ABHD12: variants seen among roughly 807,000 people sequenced by gnomAD.
The protein encoded by ABHD12 is abhydrolase domain containing 12, lysophospholipase.
Under a neutral mutation model 58.3 loss-of-function variants are expected in ABHD12, and 43 were observed. The ratio of observed to expected loss-of-function variants is 0.74; its 90% CI spans 0.58 to 0.95. The LOEUF (loss-of-function observed/expected upper bound fraction) is 0.95. ABHD12 is among the 40% of genes least tolerant of loss of function. The probability of loss-of-function intolerance (pLI) is 0.00; values close to 1 mark genes in which losing one functional copy is unlikely to be tolerated. For missense variants in ABHD12, 539 were observed against 537.2 expected (o/e 1.00, Z -0.03); for synonymous variants, 219 against 211.2 (o/e 1.04, Z -0.32).
At chr20:25,389,184 T>TA (rs76480780) in intron 1 of ABHD12, among the ~76,000 whole-genome samples, 7,789 of 152,292 alleles carry the variant, frequency 0.051, 212 homozygotes, top group Middle Eastern at 0.12. Flanking sequence ...GTATTAAAGT[T>TA]AAATCATGAG....
intron 1 of ABHD12, among the ~76,000 whole-genome samples, chr20:25,383,954 CAAAAA>C (rs1201588127): frequency 7.9e-4 from 42 of 53,330 alleles, no homozygotes; most frequent in Admixed American, 1.3e-3. Flanking sequence ...GACTCTTTCT[CAAAAA>C]AAAAAAAAAA....
At chr20:25,360,227 C>CCTTTTTTT (rs2089726518) in intron 1 of ABHD12, among the ~76,000 whole-genome samples, 3 of 37,392 alleles carry the variant, frequency 8.0e-5, no homozygotes, top group Non-Finnish European at 1.4e-4. Flanking sequence ...GAACACGTTA[C>CCTTTTTTT]TTTTTTTTTT....
chr20:25,298,826 C>T (rs965172475), downstream of ABHD12, among the ~76,000 whole-genome samples: 3 of 152,190 alleles, frequency 2.0e-5, no homozygotes, highest in East Asian at 5.8e-4. Flanking sequence ...CCATGGGCCT[C>T]CTTGGCCTCA....
At chr20:25,365,463 C>T (rs776544180) in intron 1 of ABHD12, among the ~76,000 whole-genome samples, 11 of 152,168 alleles carry the variant, frequency 7.2e-5, no homozygotes, top group Non-Finnish European at 1.6e-4. Context: ...ACTGGGTTGG[C>T]ATAACATAGG....
chr20:25,358,897 T>C (rs1055436373), intron 1 of ABHD12, among the ~76,000 whole-genome samples: 18 of 152,282 alleles, frequency 1.2e-4, no homozygotes, highest in Non-Finnish European at 2.5e-4. Context: ...ATCCAGAATA[T>C]AGTGGTTTTA....
At chr20:25,323,853 A>T (rs553656254) in intron 2 of ABHD12, among the ~76,000 whole-genome samples, 9 of 152,336 alleles carry the variant, frequency 5.9e-5, no homozygotes, top group African/African-American at 2.2e-4. Context: ...CGAATAACTC[A>T]GGTGCCTGGT....
chr20:25,365,425 T>G (rs1000038385), intron 1 of ABHD12, among the ~76,000 whole-genome samples: 5 of 152,190 alleles, frequency 3.3e-5, no homozygotes, highest in Non-Finnish European at 5.9e-5. Context: ...TTTCTCCACA[T>G]CAATGCTTAC....
In ABHD12 at chr20:25,390,513, C is replaced by A; in HGVS notation, c.191G>T (p.Arg64Met). ...CCCCCCGCTCCGCGCGAAGCCTCAC[C>A]TGCCCAGCGCCCGCTTCATTCCCGC... is the stretch of plus-strand genomic sequence containing the variant. ...ADAGMKRALG[R>M]RKGVWLRLRK... Residue 64 changes from arginine (R) to methionine (M), a missense_variant and splice_region_variant, in exon 1 of 13, where the codon AGG becomes ATG. Arg to Met is a moderately conservative substitution (Grantham distance 91). Coordinates refer to ENST00000339157, the MANE Select transcript of ABHD12 (RefSeq NM_001042472.3). 6.9e-7 allele frequency: 1 copy of A among 1,454,916 alleles called. No homozygotes were observed. The highest frequency in any genetic ancestry group is 2.4e-5 in the Admixed American group (1 of 41,724). 90.1% of individuals were successfully genotyped at this position (1,454,916 alleles called of 1,614,324 possible).
chr20:25,305,039 A>G (rs539038529), intron 10 of ABHD12, among the ~76,000 whole-genome samples: 1 of 151,904 alleles, frequency 6.6e-6, no homozygotes, highest in East Asian at 1.9e-4. Flanking sequence ...CACCTGGCTA[A>G]TTTTGCATTT....
intron 6 of ABHD12, among the ~76,000 whole-genome samples, chr20:25,312,744 G>A (rs2088876759): frequency 6.6e-6 from 1 of 151,312 alleles, no homozygotes; most frequent in African/African-American, 2.4e-5. Context: ...AAGCGTCTCT[G>A]CCCGGCCGCC....
At chr20:25,355,209 G>A (rs988168726) in intron 1 of ABHD12, among the ~76,000 whole-genome samples, 1 of 152,164 alleles carries the variant, frequency 6.6e-6, no homozygotes, top group African/African-American at 2.4e-5. Context: ...ACGACCTGCA[G>A]GCTGGACGAC....
At chr20:25,312,286 C>G (rs969229337) in intron 6 of ABHD12, among the ~76,000 whole-genome samples, 2 of 152,202 alleles carry the variant, frequency 1.3e-5, no homozygotes, top group Admixed American at 6.5e-5. Flanking sequence ...CTGCCTGATT[C>G]TCCTGCCTCA....
chr20:25,340,833 G>C (rs547748090), intron 1 of ABHD12, among the ~76,000 whole-genome samples: 1 of 152,322 alleles, frequency 6.6e-6, no homozygotes, highest in Non-Finnish European at 1.5e-5. Context: ...TGCTGAGGCT[G>C]GGGGTGGAGC....
chr20:25,309,317 G>A (rs1375377652), intron 7 of ABHD12, 129 bp downstream of exon 7: 2 of 1,358,480 alleles, frequency 1.5e-6, no homozygotes, highest in East Asian at 4.7e-5. Flanking sequence ...CATGGGGATG[G>A]GAGCGAGGCT....
intron 1 of ABHD12, chr20:25,368,732 C>A: frequency 8.5e-7 from 1 of 1,170,040 alleles, no homozygotes. Flanking sequence ...GGCTTGCCTT[C>A]GTCAGCAATG....
intron 1 of ABHD12, among the ~76,000 whole-genome samples, chr20:25,346,953 A>G (rs1378949574): frequency 1.3e-5 from 2 of 151,970 alleles, no homozygotes; most frequent in African/African-American, 4.8e-5. Flanking sequence ...CAAGTTTATT[A>G]ATTTTTTAAA....
At position 25,390,593 on chromosome 20, in the gene ABHD12, C is replaced by T; in HGVS notation, c.111G>A (p.Lys37=). ...CCGGGCCCGTCAGGCGTAGGTTCTGCTTCAGGCGGCAGTCGGCGTCCAGCG... is the reference window on the plus strand; with the variant it reads ...CCGGGCCCGTCAGGCGTAGGTTCTGTTTCAGGCGGCAGTCGGCGTCCAGCG... ...AAALDADCRL[K]QNLRLTGPAA... is the part of the protein sequence containing the mutation. Residue 37 remains lysine (K), a synonymous_variant, in exon 1 of 13, where the codon AAG becomes AAA. Coordinates refer to ENST00000339157, the MANE Select transcript of ABHD12 (RefSeq NM_001042472.3). The T allele has an allele frequency of 2.7e-6, 4 of 1,473,648 alleles. No individual in the cohort carries two copies. The highest frequency in any genetic ancestry group is 1.3e-5 in the South Asian group (1 of 78,778). 91.3% of individuals were successfully genotyped at this position (1,473,648 alleles called of 1,614,324 possible). A position where few individuals can be genotyped will look rare whatever the true frequency, so the allele number is the denominator to read the frequency against.
At chr20:25,343,635 C>G (rs1014179800) in intron 1 of ABHD12, among the ~76,000 whole-genome samples, 1 of 152,156 alleles carries the variant, frequency 6.6e-6, no homozygotes, top group African/African-American at 2.4e-5. Flanking sequence ...GAAATCCTGT[C>G]TCTACTGAAA....
At chr20:25,303,454 G>T in intron 11 of ABHD12, 96 bp downstream of exon 11, 2 of 1,556,754 alleles carry the variant, frequency 1.3e-6, no homozygotes, top group Non-Finnish European at 1.7e-6. Flanking sequence ...AGCATGCAGG[G>T]GCTGCCTTCC....
Sources: allele counts gnomAD v4.1 joint callset (sites outside exome capture counted in the v4.1 genomes callset), GRCh38; gene constraint gnomAD v4.1.1; transcripts MANE v1.5; gene names NCBI Gene and HGNC (gene_info 2026-07-23, HGNC 2026-07-21).